The following WASHC3 variants were observed in gnomAD, a reference collection of about 807,000 sequenced individuals.
WASHC3 encodes WASH complex subunit CCDC53.
In WASHC3, 24 loss-of-function variants were observed where a neutral mutation model predicts 26.1. The observed-to-expected ratio is 0.92, with a 90% CI of 0.66 to 1.29. The LOEUF (loss-of-function observed/expected upper bound fraction) is 1.29, where lower values mean the gene tolerates loss of function less well. WASHC3 is among the 50% of genes most tolerant of loss of function. The pLI is 0.00. For missense variants in WASHC3, 214 were observed against 229.6 expected, an observed-to-expected ratio of 0.93 and a Z score of 0.44; for synonymous variants, 77 against 75.7, an observed-to-expected ratio of 1.02 and a Z score of -0.09.
intron 3 of WASHC3, among the ~76,000 whole-genome samples, chr12:102,044,628 C>T (rs558728942): frequency 1.4e-4 from 21 of 151,602 alleles, no homozygotes; most frequent in African/African-American, 3.4e-4. Context: ...GATAATACTT[C>T]GAAAAAAAAG....
intron 6 of WASHC3, chr12:102,017,786 T>G: frequency 2.3e-6 from 1 of 437,744 alleles, no homozygotes; most frequent in South Asian, 1.7e-5. Flanking sequence ...TGTCTTCATT[T>G]TTTTCTTTTT....
intron 5 of WASHC3, among the ~76,000 whole-genome samples, chr12:102,027,587 A>T (rs1237175800): frequency 6.6e-6 from 1 of 152,174 alleles, no homozygotes; most frequent in Non-Finnish European, 1.5e-5. Context: ...ATGTAAAAAA[A>T]TTTAATTTTT....
chr12:102,053,431 A>G (rs1278863343), intron 2 of WASHC3, among the ~76,000 whole-genome samples: 2 of 152,240 alleles, frequency 1.3e-5, no homozygotes, highest in Non-Finnish European at 2.9e-5. Context: ...TGGCCTGTCT[A>G]GAACCTCTGG....
Position 102,028,455 on chromosome 12 carries a change from T to C in WASHC3, c.436-2417A>G, listed in dbSNP as rs574702740. Among the ~76,000 whole-genome samples, 17 of 152,282 alleles carry C rather than the reference T, an allele frequency of 1.1e-4. No homozygotes were observed. The South Asian group carries it at 3.3e-3, about 30-fold the overall frequency. Reference sequence around the variant, plus strand: ...AAGACCTCTTGGCTTCTACTAACTATGGTTTGATGGTATAAGGTCTTTCTA... The same window carrying C: ...AAGACCTCTTGGCTTCTACTAACTACGGTTTGATGGTATAAGGTCTTTCTA... On this transcript the variant is annotated intron_variant, in intron 5 of 6. Coordinates refer to ENST00000240079, the MANE Select transcript of WASHC3 (RefSeq NM_016053.4).
intron 6 of WASHC3, among the ~76,000 whole-genome samples, chr12:102,022,359 A>T (rs930655288): frequency 6.6e-6 from 1 of 152,230 alleles, no homozygotes; most frequent in African/African-American, 2.4e-5. Context: ...CCATTAAAAC[A>T]TTCATAAATC....
chr12:102,035,918 C>T (rs1386472753), intron 5 of WASHC3, among the ~76,000 whole-genome samples: 1 of 152,146 alleles, frequency 6.6e-6, no homozygotes, highest in Non-Finnish European at 1.5e-5. Flanking sequence ...GGTTTAGAAT[C>T]TGGAATGATT....
At chr12:102,031,429 T>C (rs936702082) in intron 5 of WASHC3, among the ~76,000 whole-genome samples, 2 of 152,234 alleles carry the variant, frequency 1.3e-5, no homozygotes, top group African/African-American at 4.8e-5. Context: ...ATTCATATAG[T>C]TTACTATTTT....
Position 102,061,907 on chromosome 12 carries a change from C to G in WASHC3, c.51+5G>C. 6.3e-7 allele frequency: 1 copy of G among 1,596,090 alleles called. No individual in the cohort carries two copies. Among genetic ancestry groups the G allele is most frequent in the Non-Finnish European group, 8.5e-7 (1 of 1,170,534 alleles). Reference sequence around the variant, plus strand: ...GTCGGGAGTCTAGCACCGTCTTTTACAAACCTTGGTCAGGTCTATGCCTGA... The same window carrying G: ...GTCGGGAGTCTAGCACCGTCTTTTAGAAACCTTGGTCAGGTCTATGCCTGA... On this transcript the variant is annotated splice_donor_5th_base_variant and intron_variant, in intron 1 of 6. Transcript: ENST00000240079.
chr12:102,021,539 A>G (rs1297165116), intron 6 of WASHC3, among the ~76,000 whole-genome samples: 1 of 152,050 alleles, frequency 6.6e-6, no homozygotes, highest in East Asian at 1.9e-4. Context: ...ACCAATTACA[A>G]TTTTTTGATA....
Position 102,025,972 on chromosome 12 carries a change from A to T in WASHC3, c.500+2T>A. 7.0e-7 allele frequency: 1 copy of T among 1,418,580 alleles called. No homozygotes were observed. Among genetic ancestry groups the T allele is most frequent in the Non-Finnish European group, 9.8e-7 (1 of 1,024,768 alleles). The allele number at this position is 1,418,580 out of a possible 1,614,324, so 87.9% of individuals were successfully genotyped here. ...TATCATTATATTAGAAGAATTACTT[A>T]CTCAAGAAGATCTGGGTCTAGTCCT... On this transcript the variant is annotated splice_donor_variant, in intron 6 of 6. Coordinates refer to ENST00000240079, the MANE Select transcript of WASHC3 (RefSeq NM_016053.4). LOFTEE classifies it high-confidence loss of function.
chr12:102,062,066 TC>T, upstream of WASHC3: 1 of 943,528 alleles, frequency 1.1e-6, no homozygotes, highest in Non-Finnish European at 1.6e-6. Flanking sequence ...AGTGCCCGCC[TC>T]CGGGGCCCTT....
chr12:102,057,533 C>G (rs955288317), intron 2 of WASHC3, among the ~76,000 whole-genome samples: 25 of 151,456 alleles, frequency 1.7e-4, no homozygotes, highest in Non-Finnish European at 2.9e-5. Context: ...AAAATTCCAC[C>G]AAAAAATTGT....
At chr12:102,053,847 GT>G (rs1878487377) in intron 2 of WASHC3, among the ~76,000 whole-genome samples, 1 of 151,966 alleles carries the variant, frequency 6.6e-6, no homozygotes, top group Admixed American at 6.5e-5. Context: ...TATATCTTTA[GT>G]ATGAAAGTTA....
chr12:102,059,620 GCTATC>G (rs1321743758), intron 2 of WASHC3: 2 of 152,126 alleles, frequency 1.3e-5, no homozygotes, highest in Admixed American at 6.6e-5. Context: ...AAGGTGAAGG[GCTATC>G]CCTGTTTCAG....
At chr12:102,037,243 G>C (rs1341292116) in intron 5 of WASHC3, among the ~76,000 whole-genome samples, 1 of 152,096 alleles carries the variant, frequency 6.6e-6, no homozygotes, top group African/African-American at 2.4e-5. Context: ...CTATGTACAA[G>C]GTATTATTGC....
At chr12:102,058,127 GA>G (rs1878665927) in intron 2 of WASHC3, among the ~76,000 whole-genome samples, 1 of 152,008 alleles carries the variant, frequency 6.6e-6, no homozygotes, top group Non-Finnish European at 1.5e-5. Context: ...TAAGAACACA[GA>G]AAAGACAGTT....
At chr12:102,061,158 G>T in intron 2 of WASHC3, 90 bp downstream of exon 2, 1 of 822,318 alleles carries the variant, frequency 1.2e-6, no homozygotes, top group South Asian at 1.5e-5. Context: ...CATGAATAAA[G>T]ACTGTAATTC....
intron 6 of WASHC3, among the ~76,000 whole-genome samples, chr12:102,018,795 T>C (rs1049210629): frequency 3.3e-5 from 5 of 151,728 alleles, no homozygotes; most frequent in African/African-American, 9.7e-5. Flanking sequence ...TATTTATTTA[T>C]TTATTTAGAG....
chr12:102,061,040 G>C lies in WASHC3; in HGVS notation c.150+208C>G, dbSNP rs938875528. On this transcript the variant is annotated intron_variant, in intron 2 of 6. Transcript: ENST00000240079. ...AAGCCTGACTGACCTATCTCACAGG[G>C]ACCTCTAGAACACTAACTCAGTAGA... is the stretch of plus-strand genomic sequence containing the variant. Among the ~76,000 whole-genome samples the C allele has an allele frequency of 4.0e-5, 6 of 151,730 alleles. No individual in the cohort carries two copies. The Middle Eastern group carries it at 0.01, about 258-fold the overall frequency.
Sources: allele counts gnomAD v4.1 joint callset (sites outside exome capture counted in the v4.1 genomes callset), GRCh38; gene constraint gnomAD v4.1.1; transcripts MANE v1.5; gene names NCBI Gene and HGNC (gene_info 2026-07-23, HGNC 2026-07-21).